Variants in TULP1 observed in about 807,000 individuals in gnomAD.
TULP1 encodes the protein tubby-related protein 1.
In TULP1, 50 loss-of-function variants were observed where a neutral mutation model predicts 67.1. The observed-to-expected ratio is 0.75, with a 90% CI of 0.59 to 0.94. TULP1 has a LOEUF of 0.94. TULP1 is among the 40% of genes least tolerant of loss of function. TULP1 has a pLI of 0.00. For synonymous variants in TULP1, 297 were observed against 294.0 expected, an observed-to-expected ratio of 1.01 and a Z score of -0.11; for missense variants, 746 against 734.1, an observed-to-expected ratio of 1.02 and a Z score of -0.19.
chr6:35,509,033 C>G (rs549363532), intron 8 of TULP1, among the ~76,000 whole-genome samples, 176 bp downstream of exon 8: 1 of 152,128 alleles, frequency 6.6e-6, no homozygotes, highest in African/African-American at 2.4e-5. Flanking sequence ...ACCCCACAAA[C>G]GCCTCCTCTG....
chr6:35,508,195 A>G (rs1056189551), intron 8 of TULP1, among the ~76,000 whole-genome samples: 1 of 152,236 alleles, frequency 6.6e-6, no homozygotes, highest in African/African-American at 2.4e-5. Flanking sequence ...CCCTCAGCTC[A>G]GGGACAAGTG....
rs1355066758 is a variant in TULP1 at position 35,498,374 on chromosome 6, AG to A, written c.1581del (p.Phe528SerfsTer55). ...DYRYPLCALQ[A>X]FAIALSSFDG... ...TCGAAACTGGAGAGGGCGATGGCGAAGGCCTGCAGGGCGCACAGCGGGTACC... is the reference window on the plus strand; with the variant it reads ...TCGAAACTGGAGAGGGCGATGGCGAAGCCTGCAGGGCGCACAGCGGGTACC... On this transcript the variant is annotated frameshift_variant, in exon 15 of 15. Coordinates refer to ENST00000229771, the MANE Select transcript of TULP1 (RefSeq NM_003322.6). LOFTEE classifies it high-confidence loss of function. This position sits in a 1 kb window ranked among gnomAD's most constrained non-coding sequence, Gnocchi z 6.7. The A allele has an allele frequency of 2.5e-6, 4 of 1,613,534 alleles. No individual in the cohort carries two copies. The East Asian group carries it at 8.9e-5, about 36-fold the overall frequency.
rs915660186 is a variant in TULP1, at chr6:35,499,000, C to T, written c.1496-540G>A. ...AAAAATACCCCCAAACTCAGGTGGA[C>T]GAGGCTCCACCAGAAACGTGATCTG... is the stretch of plus-strand genomic sequence containing the variant. On this transcript the variant is annotated intron_variant, in intron 14 of 14. Transcript: ENST00000229771. This position sits in a 1 kb window ranked among gnomAD's most constrained non-coding sequence, Gnocchi z 6.7. 1.3e-5 allele frequency among the ~76,000 whole-genome samples: 2 copies of T among 152,236 alleles called. No homozygotes were observed. Among genetic ancestry groups the T allele is most frequent in the Admixed American group, 6.5e-5 (1 of 15,298 alleles).
Position 35,505,837 on chromosome 6 carries a change from C to A in TULP1, c.1016G>T (p.Gly339Val), listed in dbSNP as rs1761069157. ...TGTCTTGCTCCGTTTTCGTTTCCTG[C>A]CAGCCAAGAGGAACACCTGGGGAAA... The part of the protein sequence containing the change: ...DTEKKVFLLA[G>V]RKRKRSKTAN... Residue 339 changes from glycine to valine, a missense_variant, in exon 11 of 15, where the codon GGC becomes GTC. Physicochemically the swap from Gly to Val is moderately radical, Grantham distance 109 (BLOSUM62 -3). Transcript: ENST00000229771. 1.2e-6 allele frequency: 2 copies of A among 1,614,164 alleles called. No individual in the cohort carries two copies. Among genetic ancestry groups the A allele is most frequent in the Non-Finnish European group, 1.7e-6 (2 of 1,180,044 alleles).
In TULP1 at chr6:35,498,500, C is replaced by T; in HGVS notation, c.1496-40G>A. 1.2e-6 allele frequency: 2 copies of T among 1,612,156 alleles called. No individual in the cohort carries two copies. The highest frequency in any genetic ancestry group is 1.3e-5 in the African/African-American group (1 of 75,036). The stretch of plus-strand genomic sequence containing the variant: ...CGGGGTGGGGGCGGCCCGAGACCTC[C>T]TTGGACCCCCATCCTGGCAGACAGT... On this transcript the variant is annotated intron_variant, in intron 14 of 14. Transcript: ENST00000229771. This position sits in a 1 kb window ranked among gnomAD's most constrained non-coding sequence, Gnocchi z 6.7.
chr6:35,510,932 G>A lies in TULP1; in HGVS notation c.428C>T (p.Pro143Leu). The change falls in exon 5 of 15, where the codon CCC becomes CTC. Residue 143 changes from proline (P) to leucine (L), a missense_variant. Around this residue, in one of 3 missense-constraint regions of TULP1, gnomAD observed 359 missense variants for 341.9 expected, o/e 1.05. Coordinates refer to ENST00000229771, the MANE Select transcript of TULP1 (RefSeq NM_003322.6). ...EEKKEKILLP[P>L]KKPLREKSSA... is the part of the protein sequence containing the mutation. ...GCTCTTCTCTCTCAGGGGCTTCTTGGGAGGCAGAAGGATTTTCTCTTTCTT... is the reference window on the plus strand; with the variant it reads ...GCTCTTCTCTCTCAGGGGCTTCTTGAGAGGCAGAAGGATTTTCTCTTTCTT... 6.2e-7 allele frequency: 1 copy of A among 1,613,430 alleles called. No individual in the cohort carries two copies. Among genetic ancestry groups the A allele is most frequent in the East Asian group, 2.2e-5 (1 of 44,824 alleles).
intron 13 of TULP1, among the ~76,000 whole-genome samples, chr6:35,500,895 G>T (rs1768828868): frequency 6.6e-6 from 1 of 152,232 alleles, no homozygotes; most frequent in African/African-American, 2.4e-5. Context: ...AAGGACAACT[G>T]TGGGGCCCAC....
At chr6:35,499,014 A>T (rs1198752917) in intron 14 of TULP1, among the ~76,000 whole-genome samples, 1 of 152,198 alleles carries the variant, frequency 6.6e-6, no homozygotes, top group Non-Finnish European at 1.5e-5. Flanking sequence ...GCTCCACCAG[A>T]AACGTGATCT....
In TULP1 at chr6:35,506,041, A is replaced by C. The variant is rs794726991; in HGVS notation, c.961T>G (p.Tyr321Asp). The C allele has an allele frequency of 1.2e-6, 2 of 1,613,944 alleles. No homozygotes were observed. The highest frequency in any genetic ancestry group is 1.3e-5 in the African/African-American group (1 of 75,052). ...TCCAGGTGCAGGAAGTAGGAGGGAT[A>C]CATGCCTCGATCCATGCCCTTTTTG... Reference protein sequence around the residue: ...RDKKGMDRGMYPSYFLHLDTE... With the variant: ...RDKKGMDRGMDPSYFLHLDTE... The change falls in exon 10 of 15, where the codon TAT becomes GAT. Residue 321 changes from tyrosine to aspartate, a missense_variant. Transcript: ENST00000229771.
rs1178636343 is a variant in TULP1, at chr6:35,498,326, G to A, written c.*1C>T. ...CTGGGGGCGCTGAGGGGCTGCTGGG[G>A]TCACTCGCAGGCCAGCTTCCCGTCG... On this transcript the variant is annotated 3_prime_UTR_variant, in exon 15 of 15. Transcript: ENST00000229771. The surrounding 1 kb of genome is among the most constrained non-coding windows in gnomAD (Gnocchi z 6.7). 12 of 1,612,030 alleles carry A rather than the reference G, an allele frequency of 7.4e-6. 1 individual carries two copies. The Admixed American group carries it at 2.0e-4, about 27-fold the overall frequency.
Position 35,502,890 on chromosome 6 carries a change from A to G in TULP1, c.1323+669T>C, listed in dbSNP as rs149090427. The stretch of plus-strand genomic sequence containing the variant: ...TATTGTCTACTGTCACTCTCCTCCC[A>G]CTAGAATGCCAGCTTCAGGGGGGCA... On this transcript the variant is annotated intron_variant, in intron 13 of 14. Coordinates refer to ENST00000229771, the MANE Select transcript of TULP1 (RefSeq NM_003322.6). Among the ~76,000 whole-genome samples, 117 of 151,872 alleles carry G rather than the reference A, an allele frequency of 7.7e-4. No individual in the cohort carries two copies. In the East Asian group the frequency reaches 0.022, roughly 28 times the overall value.
In TULP1 at chr6:35,498,183, G is replaced by A. The variant is rs1445432025; in HGVS notation, c.*144C>T. On this transcript the variant is annotated 3_prime_UTR_variant, in exon 15 of 15. Transcript: ENST00000229771. This position sits in a 1 kb window ranked among gnomAD's most constrained non-coding sequence, Gnocchi z 6.7. ...GCCTGTGCCAGGCTGGGGAGAGGAC[G>A]GAGGTCACCGAGAGGCAGTGAGAGG... The A allele has an allele frequency of 5.9e-6, 8 of 1,346,396 alleles. No homozygotes were observed. In the Admixed American group the frequency reaches 1.7e-4, roughly 29 times the overall value. The allele number at this position is 1,346,396 out of a possible 1,614,324, so 83.4% of individuals were successfully genotyped here.
rs1214001883 is a variant in TULP1 at position 35,506,050 on chromosome 6, G to A, written c.952C>T (p.Arg318Ter). 2 of 1,613,808 alleles carry A rather than the reference G, an allele frequency of 1.2e-6. No homozygotes were observed. Among genetic ancestry groups the A allele is most frequent in the Admixed American group, 1.7e-5 (1 of 60,028 alleles). The stretch of plus-strand genomic sequence containing the variant: ...AGGAAGTAGGAGGGATACATGCCTC[G>A]ATCCATGCCCTTTTTGTCCCGGGTC... ...RLTRDKKGMD[R>*]GMYPSYFLHL... The change falls in exon 10 of 15, where the codon CGA becomes TGA. Residue 318 changes from arginine (R) to a stop codon, truncating the protein, a stop_gained. Coordinates refer to ENST00000229771, the MANE Select transcript of TULP1 (RefSeq NM_003322.6). LOFTEE classifies it high-confidence loss of function.
intron 1 of TULP1, 35 bp from the exon 2 acceptor site, chr6:35,512,725 C>T: frequency 1.9e-6 from 3 of 1,609,242 alleles, no homozygotes; most frequent in Non-Finnish European, 2.5e-6. Context: ...TGTCTCCCTT[C>T]CCCTTCCCTC....
chr6:35,506,356 T>A (rs930138091), intron 8 of TULP1, 77 bp from the exon 9 acceptor site: 113 of 1,540,160 alleles, frequency 7.3e-5, no homozygotes, highest in Non-Finnish European at 9.3e-5. Flanking sequence ...CTGCCCCTCA[T>A]GCTCCCTGGC....
intron 14 of TULP1, 81 bp downstream of exon 14, chr6:35,499,900 A>T: frequency 8.1e-6 from 12 of 1,480,574 alleles, no homozygotes; most frequent in Non-Finnish European, 9.4e-6. Context: ...TGTGTGTGTG[A>T]GGGGGTGAGG....
Position 35,506,183 on chromosome 6 carries a change from G to C in TULP1, c.829-10C>G. 1 of 1,613,454 alleles carries C rather than the reference G, an allele frequency of 6.2e-7. No homozygotes were observed. Among genetic ancestry groups the C allele is most frequent in the Non-Finnish European group, 8.5e-7 (1 of 1,179,814 alleles). ...GGGCCCTCTCCTCCTTCTGGGTGGG[G>C]GCAGAGGGTACATCAGCCCCAGAGC... is the stretch of plus-strand genomic sequence containing the variant. On this transcript the variant is annotated splice_polypyrimidine_tract_variant and intron_variant, in intron 9 of 14. Coordinates refer to ENST00000229771, the MANE Select transcript of TULP1 (RefSeq NM_003322.6).
rs1299382694 is a variant in TULP1, at chr6:35,505,750, C to G, written c.1103G>C (p.Gly368Ala). 2 of 1,614,074 alleles carry G rather than the reference C, an allele frequency of 1.2e-6. No individual in the cohort carries two copies. The highest frequency in any genetic ancestry group is 2.7e-5 in the African/African-American group (2 of 74,932). ...NLSRGGENFI[G>A]KLRSNLLGNR... ...GGAAGCCCAGCCCCACCTCAGCTTC[C>G]CGATGAAATTCTCCCCTCCTCGGGA... is the stretch of plus-strand genomic sequence containing the variant. The change falls in exon 11 of 15, where the codon GGG (glycine) becomes GCG (alanine). Residue 368 changes from glycine (G) to alanine (A), a missense_variant. Coordinates refer to ENST00000229771, the MANE Select transcript of TULP1 (RefSeq NM_003322.6).
intron 8 of TULP1, among the ~76,000 whole-genome samples, chr6:35,506,930 T>C (rs1294314650): frequency 6.6e-6 from 1 of 152,142 alleles, no homozygotes; most frequent in Non-Finnish European, 1.5e-5. Flanking sequence ...GCTACTCTTA[T>C]TGTTAGCGTA....
Sources: gnomAD v4.1 joint callset for allele counts (sites outside exome capture counted in the v4.1 genomes callset) on GRCh38, gnomAD v4.1.1 for gene constraint, gnomAD v4.1.1 regional missense constraint, Gnocchi (gnomAD v3.1) non-coding constraint, MANE v1.5 for transcripts, NCBI Gene and HGNC (gene_info 2026-07-23, HGNC 2026-07-21) for gene names.